Variants in SLC38A10 observed in about 807,000 individuals in gnomAD.
SLC38A10 encodes Sodium-coupled neutral amino acid transporter 10.
In SLC38A10, 53 loss-of-function variants were observed where a neutral mutation model predicts 81.0. The observed-to-expected ratio is 0.65, with a 90% CI of 0.53 to 0.82. SLC38A10 has a LOEUF of 0.82. Among genes scored for constraint, SLC38A10 ranks in the 40% least tolerant of loss-of-function variants. The pLI is 0.00. For synonymous variants in SLC38A10, 665 were observed against 655.3 expected, an observed-to-expected ratio of 1.01 and a Z score of -0.23; for missense variants, 1,471 against 1,545.0, an observed-to-expected ratio of 0.95 and a Z score of 0.80.
At chr17:81,279,852 C>A in intron 6 of SLC38A10, 1 of 199,938 alleles carries the variant, frequency 5.0e-6, no homozygotes, top group Non-Finnish European at 1.1e-5. Context: ...GATGGAGCTG[C>A]CAAGAGAGAC....
chr17:81,245,662 A>T lies in SLC38A10; in HGVS notation c.3254T>A (p.Leu1085His). The change falls in exon 16 of 16, where the codon CTC (leucine) becomes CAC (histidine). Residue 1085 changes from leucine (L) to histidine (H), a missense_variant. Physicochemically the swap from Leu to His is moderately conservative, Grantham distance 99 (BLOSUM62 -3). Coordinates refer to ENST00000374759, the MANE Select transcript of SLC38A10 (RefSeq NM_001037984.3). ...GAGCTGGGCATCCAGGGCGCCACGG[A>T]GGTCGTTCACCTGGACATCAGGCAG... Reference protein sequence around the residue: ...NPLPDVQVNDLRGALDAQLRQ... With the variant: ...NPLPDVQVNDHRGALDAQLRQ... 6.2e-7 allele frequency: 1 copy of T among 1,611,132 alleles called. No individual in the cohort carries two copies. Among genetic ancestry groups the T allele is most frequent in the Non-Finnish European group, 8.5e-7 (1 of 1,178,962 alleles).
chr17:81,294,781 G>A (rs532018515), intron 1 of SLC38A10, 42 bp downstream of exon 1: 9 of 1,515,722 alleles, frequency 5.9e-6, no homozygotes, highest in East Asian at 5.3e-5. Flanking sequence ...CCCCCTCTGC[G>A]GGGGAGGCGA....
Position 81,245,939 on chromosome 17 carries a change from G to A in SLC38A10, c.2977C>T (p.His993Tyr). The A allele has an allele frequency of 6.2e-7, 1 of 1,608,672 alleles. No individual in the cohort carries two copies. Among genetic ancestry groups the A allele is most frequent in the Non-Finnish European group, 8.5e-7 (1 of 1,177,272 alleles). ...LEMRKARGGD[H>Y]VPVSHEQPRG... is the part of the protein sequence containing the mutation. ...GGCTGCTCGTGGGACACAGGCACAT[G>A]GTCCCCCCCGCGGGCCTTTCTCATC... Residue 993 changes from histidine to tyrosine, a missense_variant, in exon 16 of 16, where the codon CAT (histidine) becomes TAT (tyrosine). Coordinates refer to ENST00000374759, the MANE Select transcript of SLC38A10 (RefSeq NM_001037984.3).
At chr17:81,258,224 C>T (rs1044210038) in intron 11 of SLC38A10, among the ~76,000 whole-genome samples, 2 of 152,222 alleles carry the variant, frequency 1.3e-5, no homozygotes, top group African/African-American at 4.8e-5. Flanking sequence ...AATAAAACTC[C>T]GCTCAGCAGT....
intron 11 of SLC38A10, among the ~76,000 whole-genome samples, chr17:81,259,740 G>A (rs868190762): frequency 3.9e-5 from 6 of 152,178 alleles, no homozygotes; most frequent in Non-Finnish European, 5.9e-5. Flanking sequence ...AGGGCGCCAC[G>A]GGGCCCCTCC....
Position 81,283,313 on chromosome 17 carries a change from C to T in SLC38A10, c.357+96G>A. On this transcript the variant is annotated intron_variant, in intron 4 of 15. Transcript: ENST00000374759. This position sits in a 1 kb window ranked among gnomAD's most constrained non-coding sequence, Gnocchi z 4.7. ...CAGGCTCGACAGAAGCTTCTCCCGACCAGCACCCAGGTCTCGGTCCTCGGG... is the reference window on the plus strand; with the variant it reads ...CAGGCTCGACAGAAGCTTCTCCCGATCAGCACCCAGGTCTCGGTCCTCGGG... The T allele has an allele frequency of 2.7e-6, 3 of 1,123,256 alleles. No individual in the cohort carries two copies. Among genetic ancestry groups the T allele is most frequent in the Non-Finnish European group, 3.9e-6 (3 of 766,262 alleles). The allele number at this position is 1,123,256 out of a possible 1,614,324, so 69.6% of individuals were successfully genotyped here.
intron 5 of SLC38A10, 87 bp downstream of exon 5, chr17:81,282,102 G>T: frequency 6.3e-7 from 1 of 1,580,968 alleles, no homozygotes; most frequent in Admixed American, 1.7e-5. Context: ...GGCCACACCA[G>T]ACCTGGGCAC....
At position 81,245,998 on chromosome 17, in the gene SLC38A10, TGCTGTCCACCCTGCTC is replaced by T. The variant is rs2062846303; in HGVS notation, c.2902_2917del (p.Glu968ArgfsTer13). ...ACCGCCATGGTCCAGCCGGTGGCCC[TGCTGTCCACCCTGCTC>T]GCCATCAGAGATGACCCGCAGTTCC... On this transcript the variant is annotated frameshift_variant, in exon 16 of 16. Transcript: ENST00000374759. LOFTEE classifies it low-confidence loss of function (END_TRUNC). 6.2e-7 allele frequency: 1 copy of T among 1,606,272 alleles called. No homozygotes were observed. The highest frequency in any genetic ancestry group is 8.5e-7 in the Non-Finnish European group (1 of 1,176,058).
Position 81,245,867 on chromosome 17 carries a change from C to G in SLC38A10, c.3049G>C (p.Glu1017Gln). Reference sequence around the variant, plus strand: ...GCTCGTTTGAGCCCCAGCTCTGGCTCTGGCCTCTGCCTGGGCTCCTGGACA... The same window carrying G: ...GCTCGTTTGAGCCCCAGCTCTGGCTGTGGCCTCTGCCTGGGCTCCTGGACA... ...AAVQEPRQRP[E>Q]PELGLKRAVP... Residue 1017 changes from glutamate (E) to glutamine (Q), a missense_variant, in exon 16 of 16, where the codon GAG becomes CAG. Transcript: ENST00000374759. 6.2e-7 allele frequency: 1 copy of G among 1,612,316 alleles called. No individual in the cohort carries two copies.
At chr17:81,252,889 C>T (rs910000980) in intron 12 of SLC38A10, among the ~76,000 whole-genome samples, 184 bp downstream of exon 12, 1 of 152,212 alleles carries the variant, frequency 6.6e-6, no homozygotes, top group Non-Finnish European at 1.5e-5. Context: ...ACAAGTTGCT[C>T]TGGGAGGGGC....
At chr17:81,280,759 C>A (rs201739519) in intron 5 of SLC38A10, 26 bp from the exon 6 acceptor site, 2 of 1,597,980 alleles carry the variant, frequency 1.3e-6, no homozygotes, top group Non-Finnish European at 1.7e-6. Flanking sequence ...GGAGAGAGCA[C>A]GGGGCAGGTC....
chr17:81,265,641 T>G lies in SLC38A10; in HGVS notation c.1132-5247A>C, dbSNP rs1030471854. ...GGTACAGGCACCATATCGCTGAGAG[T>G]ACTCAGACAGGCCAAGGCACAGATC... is the stretch of plus-strand genomic sequence containing the variant. On this transcript the variant is annotated intron_variant, in intron 10 of 15. Transcript: ENST00000374759. The surrounding 1 kb of genome is among the most constrained non-coding windows in gnomAD (Gnocchi z 4.2). Among the ~76,000 whole-genome samples the G allele has an allele frequency of 5.9e-5, 9 of 152,052 alleles. No individual in the cohort carries two copies. Among genetic ancestry groups the G allele is most frequent in the Non-Finnish European group, 1.2e-4 (8 of 67,990 alleles).
chr17:81,285,265 G>A (rs2063254077), intron 2 of SLC38A10: 1 of 196,774 alleles, frequency 5.1e-6, no homozygotes, highest in South Asian at 1.5e-4. Context: ...CTGCTGGCCA[G>A]AGCTTGCAGG....
At chr17:81,287,696 A>T (rs2063279198) in intron 2 of SLC38A10, among the ~76,000 whole-genome samples, 1 of 152,240 alleles carries the variant, frequency 6.6e-6, no homozygotes, top group South Asian at 2.1e-4. Context: ...TCCAGGCAGC[A>T]CAGAAGAGCA....
At chr17:81,250,869 G>A (rs2062903726) in intron 14 of SLC38A10, 20 of 1,060,066 alleles carry the variant, frequency 1.9e-5, no homozygotes, top group Non-Finnish European at 2.3e-5. Flanking sequence ...GGGGCGAGAA[G>A]TTTGGAGGAG....
chr17:81,263,237 G>A (rs1190261126), intron 10 of SLC38A10: 1 of 152,294 alleles, frequency 6.6e-6, no homozygotes, highest in East Asian at 1.9e-4. Context: ...CCGTACACAG[G>A]GAGCCTGCAT....
In SLC38A10 at chr17:81,253,430, T is replaced by G. The variant is rs1460979583; in HGVS notation, c.1289-190A>C. Among the ~76,000 whole-genome samples, 1 of 152,164 alleles carries G rather than the reference T, an allele frequency of 6.6e-6. No individual in the cohort carries two copies. The highest frequency in any genetic ancestry group is 1.5e-5 in the Non-Finnish European group (1 of 68,022). ...TTCATGTGTATTCACAACAAAAATA[T>G]GTCAAAATGCGATTTACACCTAACT... On this transcript the variant is annotated intron_variant, in intron 11 of 15. Transcript: ENST00000374759. The surrounding 1 kb of genome is among the most constrained non-coding windows in gnomAD (Gnocchi z 4.1).
intron 8 of SLC38A10, among the ~76,000 whole-genome samples, chr17:81,274,252 G>A (rs533600374): frequency 2.0e-5 from 3 of 152,352 alleles, no homozygotes; most frequent in East Asian, 3.9e-4. Context: ...GCACCAGCAC[G>A]TGGGGGAGGC....
At chr17:81,287,957 G>A (rs2063281197) in intron 2 of SLC38A10, among the ~76,000 whole-genome samples, 2 of 152,220 alleles carry the variant, frequency 1.3e-5, no homozygotes, top group South Asian at 2.1e-4. Flanking sequence ...GAAGGGGCCC[G>A]CCCAGGCACG....
Sources: gnomAD v4.1 joint callset for allele counts (sites outside exome capture counted in the v4.1 genomes callset) on GRCh38, gnomAD v4.1.1 for gene constraint, Gnocchi (gnomAD v3.1) non-coding constraint, MANE v1.5 for transcripts, NCBI Gene and HGNC (gene_info 2026-07-23, HGNC 2026-07-21) for gene names.